Variants in ADCY9 observed in about 807,000 individuals in gnomAD.
ADCY9 encodes the protein adenylate cyclase 9.
In ADCY9, 50 loss-of-function variants were observed where a neutral mutation model predicts 101.5. The observed-to-expected ratio is 0.49, with a 90% confidence interval of 0.39 to 0.62. The LOEUF is 0.62. ADCY9 is among the 20% of genes least tolerant of loss of function. ADCY9 has a pLI of 0.00. For synonymous variants in ADCY9, 905 were observed against 769.3 expected (o/e 1.18, Z -2.92); for missense variants, 1,662 against 1,800.4 (o/e 0.92, Z 1.39).
At chr16:4,008,044 A>C (rs1232374126) in intron 2 of ADCY9, among the ~76,000 whole-genome samples, 3 of 152,078 alleles carry the variant, frequency 2.0e-5, no homozygotes, top group Admixed American at 1.3e-4. Flanking sequence ...CCCGAAAAAC[A>C]AGACCCTACC....
At chr16:4,033,490 G>C (rs1425451064) in intron 2 of ADCY9, among the ~76,000 whole-genome samples, 2 of 149,402 alleles carry the variant, frequency 1.3e-5, no homozygotes, top group Non-Finnish European at 2.9e-5. Context: ...CCAGAGTGCA[G>C]TGGTGTAATC....
At chr16:4,007,908 A>G (rs1265860092) in intron 2 of ADCY9, among the ~76,000 whole-genome samples, 1 of 152,154 alleles carries the variant, frequency 6.6e-6, no homozygotes, top group African/African-American at 2.4e-5. Flanking sequence ...TTGACCCTAG[A>G]CACTGCTTTG....
intron 7 of ADCY9, 107 bp from the exon 8 acceptor site, chr16:3,979,382 G>C: frequency 5.2e-6 from 7 of 1,356,054 alleles, no homozygotes; most frequent in Non-Finnish European, 7.1e-6. Context: ...TCTCTCCCGT[G>C]TTGCCCCTGG....
Position 3,964,456 on chromosome 16 carries a change from G to A in ADCY9, c.*1319C>T, listed in dbSNP as rs2055969700. 3 of 152,284 alleles carry A rather than the reference G, an allele frequency of 2.0e-5. No homozygotes were observed. Among genetic ancestry groups the A allele is most frequent in the Admixed American group, 2.0e-4 (3 of 15,280 alleles). The allele number at this position is 152,284 out of a possible 1,614,324, so 9.4% of individuals were successfully genotyped here. On this transcript the variant is annotated 3_prime_UTR_variant, in exon 11 of 11. Coordinates refer to ENST00000294016, the MANE Select transcript of ADCY9 (RefSeq NM_001116.4). ...TCCAGATGCCTCTGTCCCTAGATAC[G>A]GTGTGAGAACTCCATTTCAGAGCTG... is the stretch of plus-strand genomic sequence containing the variant.
At chr16:4,049,987 C>A (rs1167105451) in intron 2 of ADCY9, among the ~76,000 whole-genome samples, 4 of 151,250 alleles carry the variant, frequency 2.6e-5, no homozygotes, top group African/African-American at 9.7e-5. Flanking sequence ...GCCGAGATCA[C>A]ACCACTATAC....
chr16:3,974,410 T>C (rs2056077163), intron 10 of ADCY9, among the ~76,000 whole-genome samples: 1 of 152,258 alleles, frequency 6.6e-6, no homozygotes. Flanking sequence ...CGAGATTTCC[T>C]TTGTTGCATG....
At chr16:4,014,054 C>T (rs906874755) in intron 2 of ADCY9, among the ~76,000 whole-genome samples, 2 of 152,180 alleles carry the variant, frequency 1.3e-5, no homozygotes, top group African/African-American at 4.8e-5. Context: ...CGCGGTAGCT[C>T]ACTCCTGTAA....
chr16:4,035,688 C>T (rs2056584211), intron 2 of ADCY9, among the ~76,000 whole-genome samples: 1 of 152,050 alleles, frequency 6.6e-6, no homozygotes, highest in African/African-American at 2.4e-5. Flanking sequence ...CTCCAGCCTC[C>T]CAGGTCTTGG....
At chr16:4,018,677 C>T (rs2056454596) in intron 2 of ADCY9, among the ~76,000 whole-genome samples, 1 of 152,146 alleles carries the variant, frequency 6.6e-6, no homozygotes, top group African/African-American at 2.4e-5. Context: ...TCAGATCACC[C>T]GGTTTTCAAC....
At chr16:4,100,041 G>A (rs933002188) in intron 2 of ADCY9, among the ~76,000 whole-genome samples, 10 of 152,108 alleles carry the variant, frequency 6.6e-5, no homozygotes, top group African/African-American at 1.4e-4. Context: ...CCCATGTGTC[G>A]AGGGAGGGAC....
intron 2 of ADCY9, among the ~76,000 whole-genome samples, chr16:4,078,318 T>G (rs555011476): frequency 4.6e-5 from 7 of 152,132 alleles, no homozygotes; most frequent in Non-Finnish European, 1.0e-4. Flanking sequence ...TCCCAACACT[T>G]TGGGAGGCCA....
At chr16:3,975,648 T>A (rs745703109) in intron 9 of ADCY9, among the ~76,000 whole-genome samples, 1 of 152,236 alleles carries the variant, frequency 6.6e-6, no homozygotes, top group Non-Finnish European at 1.5e-5. Context: ...GGAGCCAGAA[T>A]GTTAGATCTC....
At chr16:3,986,192 C>T (rs1386965591) in intron 6 of ADCY9, among the ~76,000 whole-genome samples, 2 of 152,262 alleles carry the variant, frequency 1.3e-5, no homozygotes, top group Non-Finnish European at 2.9e-5. Context: ...TATCCAAAAC[C>T]AGGGATAAAC....
chr16:4,110,548 C>A (rs908010254), intron 2 of ADCY9, among the ~76,000 whole-genome samples: 2 of 152,064 alleles, frequency 1.3e-5, no homozygotes, highest in Admixed American at 1.3e-4. Flanking sequence ...CACCACCACA[C>A]CAGGCTAATT....
At chr16:3,999,508 G>T (rs2056315350) in intron 3 of ADCY9, among the ~76,000 whole-genome samples, 1 of 152,150 alleles carries the variant, frequency 6.6e-6, no homozygotes, top group African/African-American at 2.4e-5. Flanking sequence ...CTGGCACCTT[G>T]CTCTCCTGGG....
At chr16:4,058,293 C>T (rs527434750) in intron 2 of ADCY9, among the ~76,000 whole-genome samples, 2 of 151,746 alleles carry the variant, frequency 1.3e-5, no homozygotes, top group East Asian at 1.9e-4. Flanking sequence ...GTAAAACCCC[C>T]GTCTCTACTA....
rs76557094 is a variant in ADCY9 at position 3,977,203 on chromosome 16, C to T, written c.2828+279G>A. Among the ~76,000 whole-genome samples, 1,315 of 152,308 alleles carry T rather than the reference C, an allele frequency of 8.6e-3. 18 individuals are homozygous for T. Among genetic ancestry groups the T allele is most frequent in the African/African-American group, 0.03 (1,267 of 41,554 alleles). The stretch of plus-strand genomic sequence containing the variant: ...CCAGCCCATTCATCAGAAGTCACCT[C>T]GGTATAATGCAATGGCAGCATTATG... On this transcript the variant is annotated intron_variant, in intron 9 of 10. Coordinates refer to ENST00000294016, the MANE Select transcript of ADCY9 (RefSeq NM_001116.4).
rs149280000 is a variant in ADCY9, at chr16:4,044,208, G to A, written c.1694-36650C>T. On this transcript the variant is annotated intron_variant, in intron 2 of 10. Coordinates refer to ENST00000294016, the MANE Select transcript of ADCY9 (RefSeq NM_001116.4). ...CTAAAAATACAAAAATTAGCCAGGT[G>A]TGGTGGTGTGTGCCTGTAATCCCAG... Among the ~76,000 whole-genome samples, 583 of 152,044 alleles carry A rather than the reference G, an allele frequency of 3.8e-3. 2 individuals are homozygous for A. Among genetic ancestry groups the A allele is most frequent in the African/African-American group, 0.012 (511 of 41,488 alleles).
chr16:3,965,794 T>C lies in ADCY9; in HGVS notation c.4043A>G (p.Asn1348Ser), dbSNP rs200722281. Reference sequence around the variant, plus strand: ...GCCGCCTCACACACTCTTTGAAACGTTGAGCTTGGTGAGTTCGTTGGCTTC... The same window carrying C: ...GCCGCCTCACACACTCTTTGAAACGCTGAGCTTGGTGAGTTCGTTGGCTTC... The part of the protein sequence containing the change: ...IEEANELTKL[N>S]VSKSV Residue 1348 changes from asparagine (N) to serine (S), a missense_variant, in exon 11 of 11, where the codon AAC becomes AGC. Physicochemically the swap from Asn to Ser is conservative, Grantham distance 46. This residue lies in a region of ADCY9 where 168 missense variants were observed against 155.3 expected (regional missense o/e 1.08). Transcript: ENST00000294016. 28 of 1,613,268 alleles carry C rather than the reference T, an allele frequency of 1.7e-5. No individual in the cohort carries two copies. The South Asian group carries it at 2.3e-4, about 13-fold the overall frequency.
Sources: gnomAD v4.1 joint callset for allele counts (sites outside exome capture counted in the v4.1 genomes callset) on GRCh38, gnomAD v4.1.1 for gene constraint, gnomAD v4.1.1 regional missense constraint, MANE v1.5 for transcripts, NCBI Gene and HGNC (gene_info 2026-07-23, HGNC 2026-07-21) for gene names.